KDM4C: variants seen among roughly 807,000 people sequenced by gnomAD.
KDM4C encodes the protein lysine demethylase 4C.
Under a neutral mutation model 129.3 loss-of-function variants are expected in KDM4C, and 81 were observed. The ratio of observed to expected loss-of-function variants is 0.63; its 90% confidence interval spans 0.52 to 0.75. The LOEUF is 0.75. KDM4C is among the 30% of genes least tolerant of loss of function. KDM4C has a pLI of 0.00. For missense variants in KDM4C, 1,457 were observed against 1,304.0 expected, an observed-to-expected ratio of 1.12 and a Z score of -1.81; for synonymous variants, 573 against 456.1, an observed-to-expected ratio of 1.26 and a Z score of -3.26.
chr9:7,077,083 A>G (rs1162087450), intron 17 of KDM4C: 3 of 985,400 alleles, frequency 3.0e-6, no homozygotes, highest in Non-Finnish European at 3.6e-6. Context: ...TCACTCATTC[A>G]TCAAAGTTCT....
chr9:6,783,245 C>T (rs1188631442), intron 1 of KDM4C, among the ~76,000 whole-genome samples: 3 of 152,100 alleles, frequency 2.0e-5, no homozygotes, highest in South Asian at 4.2e-4. Flanking sequence ...CTTGTAAGCT[C>T]TTTGAGGATT....
chr9:6,943,095 T>C (rs1385958581), intron 8 of KDM4C, among the ~76,000 whole-genome samples: 1 of 152,114 alleles, frequency 6.6e-6, no homozygotes, highest in Non-Finnish European at 1.5e-5. Context: ...CTGGAACTCC[T>C]GGAGTCAAGC....
chr9:7,121,635 C>T (rs1033549495), intron 18 of KDM4C, among the ~76,000 whole-genome samples: 1 of 152,066 alleles, frequency 6.6e-6, no homozygotes, highest in Admixed American at 6.6e-5. Flanking sequence ...CATATGTGTA[C>T]GTAGATGAAA....
intron 5 of KDM4C, among the ~76,000 whole-genome samples, chr9:6,867,293 C>T (rs1842191852): frequency 6.6e-6 from 1 of 152,100 alleles, no homozygotes; most frequent in African/African-American, 2.4e-5. Context: ...GGATTACAGG[C>T]GTGAGCCGCT....
At chr9:7,124,695 G>A (rs914231804) in intron 18 of KDM4C, among the ~76,000 whole-genome samples, 6 of 152,112 alleles carry the variant, frequency 3.9e-5, no homozygotes, top group Middle Eastern at 3.2e-3. Flanking sequence ...ATTAAATCGG[G>A]CTTCTTACTG....
At chr9:6,721,449 A>G (rs1406816393) in intron 1 of KDM4C, among the ~76,000 whole-genome samples, 5 of 151,274 alleles carry the variant, frequency 3.3e-5, no homozygotes, top group African/African-American at 1.2e-4. Context: ...ACACCTGACT[A>G]ATTTTTGTAT....
intron 19 of KDM4C, among the ~76,000 whole-genome samples, chr9:7,163,398 A>G (rs1479944471): frequency 6.6e-6 from 1 of 152,164 alleles, no homozygotes; most frequent in Non-Finnish European, 1.5e-5. Flanking sequence ...TGGGAAATAC[A>G]GTCTCCTTCA....
rs547010994 is a variant in KDM4C, at chr9:6,915,162, TTTA to T, written c.921+21934_921+21936del. Among the ~76,000 whole-genome samples the T allele has an allele frequency of 2.5e-3, 378 of 152,368 alleles. 1 individual carries two copies. Among genetic ancestry groups the T allele is most frequent in the African/African-American group, 8.6e-3 (357 of 41,584 alleles). ...ACTTCCTTTACTACTTCAAAGATAC[TTTA>T]TTAATTTGCTAGAATGCAGCTCACC... On this transcript the variant is annotated intron_variant, in intron 8 of 21. Transcript: ENST00000381309.
At chr9:6,986,823 A>G (rs1817798613) in intron 11 of KDM4C, 157 bp downstream of exon 11, 2 of 574,686 alleles carry the variant, frequency 3.5e-6, no homozygotes, top group South Asian at 5.9e-5. Context: ...CTGGGAGGTA[A>G]GCCTCCTGTG....
chr9:6,868,359 A>T (rs572245613), intron 5 of KDM4C, among the ~76,000 whole-genome samples: 1 of 152,148 alleles, frequency 6.6e-6, no homozygotes, highest in Non-Finnish European at 1.5e-5. Context: ...CATAGCATTC[A>T]TCCCAGGAAA....
intron 18 of KDM4C, among the ~76,000 whole-genome samples, chr9:7,104,784 C>T (rs1352723590): frequency 1.3e-5 from 2 of 152,238 alleles, no homozygotes; most frequent in Non-Finnish European, 1.5e-5. Context: ...TAACATGCTT[C>T]TCCTATGTCC....
intron 2 of KDM4C, 64 bp from the exon 3 acceptor site, chr9:6,805,535 C>G (rs1829808514): frequency 9.3e-7 from 1 of 1,079,308 alleles, no homozygotes; most frequent in Admixed American, 2.6e-5. Context: ...TATCAGAATA[C>G]TTAAAAGCTA....
intron 2 of KDM4C, among the ~76,000 whole-genome samples, chr9:6,794,170 C>T (rs186290210): frequency 4.0e-4 from 61 of 152,286 alleles, no homozygotes; most frequent in African/African-American, 1.3e-3. Flanking sequence ...AGACACTATG[C>T]CAGGTGCTAG....
chr9:7,087,709 G>C (rs991331316), intron 17 of KDM4C, among the ~76,000 whole-genome samples: 4 of 152,164 alleles, frequency 2.6e-5, no homozygotes, highest in Non-Finnish European at 5.9e-5. Flanking sequence ...GCTACAAAAC[G>C]TGAAAGAAGA....
chr9:7,050,482 G>C (rs1286369569), intron 17 of KDM4C, among the ~76,000 whole-genome samples: 1 of 102,558 alleles, frequency 9.8e-6, no homozygotes, highest in Non-Finnish European at 2.2e-5. Context: ...CAAAACGTTT[G>C]TAAGAATTAG....
intron 6 of KDM4C, among the ~76,000 whole-genome samples, chr9:6,882,054 T>C (rs1013966406): frequency 1.3e-5 from 2 of 152,248 alleles, no homozygotes; most frequent in African/African-American, 4.8e-5. Flanking sequence ...CTTGATTGAC[T>C]GTGGCACCTA....
rs555331164 is a variant in KDM4C at position 6,831,709 on chromosome 9, C to G, written c.435+16964C>G. 7.2e-5 allele frequency among the ~76,000 whole-genome samples: 11 copies of G among 152,180 alleles called. 1 individual carries two copies. In the South Asian group the frequency reaches 2.1e-3, roughly 29 times the overall value. ...GAGCCTAATAATCATGTCTGAATGT[C>G]TCATGGAAGGAAGAGGGAGGAAGAG... On this transcript the variant is annotated intron_variant, in intron 4 of 21. Transcript: ENST00000381309.
chr9:7,161,319 G>A (rs1037835024), intron 19 of KDM4C, among the ~76,000 whole-genome samples: 1 of 152,100 alleles, frequency 6.6e-6, no homozygotes, highest in African/African-American at 2.4e-5. Context: ...GCTTCAGCTT[G>A]CCCTCTGTGG....
intron 1 of KDM4C, among the ~76,000 whole-genome samples, chr9:6,785,785 C>T (rs1825359724): frequency 6.6e-6 from 1 of 152,204 alleles, no homozygotes; most frequent in African/African-American, 2.4e-5. Flanking sequence ...TTCAGCGTGT[C>T]TTTTGGGGGG....
Sources: allele counts gnomAD v4.1 joint callset (sites outside exome capture counted in the v4.1 genomes callset), GRCh38; gene constraint gnomAD v4.1.1; transcripts MANE v1.5; gene names NCBI Gene and HGNC (gene_info 2026-07-23, HGNC 2026-07-21).